The following STAMBP variants were observed in gnomAD, a reference collection of about 807,000 sequenced individuals.
The protein encoded by STAMBP is STAM-binding protein.
A neutral mutation model predicts 50.7 loss-of-function variants in STAMBP; 31 were observed. That is an observed-to-expected ratio of 0.61 (90% CI 0.46 to 0.83). The LOEUF (loss-of-function observed/expected upper bound fraction) is 0.83. STAMBP is among the 40% of genes least tolerant of loss of function. The probability of loss-of-function intolerance (pLI) is 0.00; values close to 1 mark genes in which losing one functional copy is unlikely to be tolerated. For synonymous variants in STAMBP, 211 were observed against 192.4 expected, an observed-to-expected ratio of 1.10 and a Z score of -0.80; for missense variants, 472 against 518.9, an observed-to-expected ratio of 0.91 and a Z score of 0.88.
Position 73,848,417 on chromosome 2 carries a change from G to A in STAMBP, c.742+664G>A, listed in dbSNP as rs374773537. On this transcript the variant is annotated intron_variant, in intron 5 of 9. Transcript: ENST00000394070. ...TGCCCAGATTGTTTTCCATTCTCAA[G>A]AATATACACCAGTGTATTTCTTTTA... Among the ~76,000 whole-genome samples, 33 of 152,204 alleles carry A rather than the reference G, an allele frequency of 2.2e-4. No homozygotes were observed. The South Asian group carries it at 6.2e-3, about 29-fold the overall frequency.
rs1272415035 is a variant in STAMBP at position 73,863,708 on chromosome 2, T to C, written c.*1449T>C. ...CCAGAGCAGCCTGGCTGTTCCACCT[T>C]GCTCTAAACAGTCCTGAAATTGCCC... On this transcript the variant is annotated 3_prime_UTR_variant, in exon 10 of 10. Transcript: ENST00000394070. The C allele has an allele frequency of 6.6e-6, 1 of 152,272 alleles. No individual in the cohort carries two copies. The allele number at this position is 152,272 out of a possible 1,614,324, so 9.4% of individuals were successfully genotyped here.
exon 11 of STAMBP, chr2:73,873,538 A>T (rs976400019): frequency 1.3e-5 from 2 of 152,256 alleles, no homozygotes; most frequent in Non-Finnish European, 2.9e-5. Context: ...AACAACTAAC[A>T]TCAGAGGTTT....
downstream of STAMBP, among the ~76,000 whole-genome samples, chr2:73,870,637 CCTAGA>C (rs1679164668): frequency 6.6e-6 from 1 of 152,258 alleles, no homozygotes; most frequent in African/African-American, 2.4e-5. Context: ...GAAAACATTA[CCTAGA>C]CTAAAGGAAG....
chr2:73,842,169 G>T (rs1410389081), intron 2 of STAMBP, among the ~76,000 whole-genome samples: 1 of 152,186 alleles, frequency 6.6e-6, no homozygotes, highest in Non-Finnish European at 1.5e-5. Context: ...AATACGGCAG[G>T]TTGTCAAATA....
intron 2 of STAMBP, among the ~76,000 whole-genome samples, chr2:73,840,544 G>A (rs1558566453): frequency 6.6e-6 from 1 of 151,798 alleles, no homozygotes; most frequent in Non-Finnish European, 1.5e-5. Context: ...AGGAGTTGGA[G>A]ACCAGCCTGG....
chr2:73,866,396 A>C lies in STAMBP; in HGVS notation c.*4137A>C, dbSNP rs778680073. The C allele has an allele frequency of 6.6e-6, 1 of 152,232 alleles. No individual in the cohort carries two copies. Among genetic ancestry groups the C allele is most frequent in the Non-Finnish European group, 1.5e-5 (1 of 68,040 alleles). The allele number at this position is 152,232 out of a possible 1,614,324, so 9.4% of individuals were successfully genotyped here. The stretch of plus-strand genomic sequence containing the variant: ...TTTTTTGTTGTTTTGCAGCGTTTTC[A>C]TATTGTCTTTTATGTAAGTCATGTT... On this transcript the variant is annotated 3_prime_UTR_variant, in exon 10 of 10. Transcript: ENST00000394070.
At chr2:73,839,912 A>G (rs994678936) in intron 2 of STAMBP, among the ~76,000 whole-genome samples, 1 of 152,186 alleles carries the variant, frequency 6.6e-6, no homozygotes, top group Non-Finnish European at 1.5e-5. Flanking sequence ...GAGCTATTCC[A>G]TCTGCCTGGA....
chr2:73,855,889 G>GT (rs947180746), intron 7 of STAMBP, among the ~76,000 whole-genome samples: 60 of 152,116 alleles, frequency 3.9e-4, no homozygotes, highest in Non-Finnish European at 1.6e-4. Context: ...CAGGAGATTT[G>GT]TTTTTTTGGA....
Position 73,849,382 on chromosome 2 carries a change from G to A in STAMBP, c.762G>A (p.Leu254=). The change falls in exon 6 of 10, where the codon TTG becomes TTA. Residue 254 remains leucine, a synonymous_variant. Coordinates refer to ENST00000394070, the MANE Select transcript of STAMBP (RefSeq NM_213622.4). The part of the protein sequence containing the change: ...NSESIPTIDG[L]RHVVVPGRLC... Reference sequence around the variant, plus strand: ...TTACAGTTCCCACAATCGATGGATTGCGCCATGTGGTGGTGCCTGGGCGGC... The same window carrying A: ...TTACAGTTCCCACAATCGATGGATTACGCCATGTGGTGGTGCCTGGGCGGC... 1.9e-6 allele frequency: 3 copies of A among 1,614,036 alleles called. No homozygotes were observed. The highest frequency in any genetic ancestry group is 2.5e-6 in the Non-Finnish European group (3 of 1,180,010).
chr2:73,845,490 G>A (rs909809017), intron 4 of STAMBP, among the ~76,000 whole-genome samples: 1 of 152,148 alleles, frequency 6.6e-6, no homozygotes, highest in Non-Finnish European at 1.5e-5. Context: ...AAAATCTGTC[G>A]CCTACCTGCT....
At chr2:73,851,959 A>G (rs1676869936) in intron 7 of STAMBP, among the ~76,000 whole-genome samples, 1 of 152,142 alleles carries the variant, frequency 6.6e-6, no homozygotes, top group South Asian at 2.1e-4. Flanking sequence ...TTAATGTAGT[A>G]CATTGGAGCC....
At chr2:73,833,894 G>A (rs1388267348) in intron 2 of STAMBP, among the ~76,000 whole-genome samples, 2 of 151,906 alleles carry the variant, frequency 1.3e-5, no homozygotes, top group Non-Finnish European at 2.9e-5. Context: ...ACAGAGGTTA[G>A]CACCAATCCC....
downstream of STAMBP, among the ~76,000 whole-genome samples, chr2:73,872,083 A>T (rs1679222301): frequency 6.6e-6 from 1 of 152,098 alleles, no homozygotes; most frequent in South Asian, 2.1e-4. Flanking sequence ...AAGAAAAAGA[A>T]CTTTTTAGTT....
intron 2 of STAMBP, among the ~76,000 whole-genome samples, chr2:73,838,382 ACT>A (rs1370296062): frequency 2.6e-5 from 4 of 152,090 alleles, no homozygotes; most frequent in African/African-American, 9.7e-5. Context: ...GGTATAGACA[ACT>A]CTTTGGAGAA....
At position 73,845,391 on chromosome 2, in the gene STAMBP, A is replaced by C. The variant is rs144296121; in HGVS notation, c.375+129A>C. On this transcript the variant is annotated intron_variant, in intron 4 of 9. Coordinates refer to ENST00000394070, the MANE Select transcript of STAMBP (RefSeq NM_213622.4). ...TTCACCTTTTTTGGGCAAAGACCAG[A>C]AACTCAAAAAAGTAGAACACCAGTG... The C allele has an allele frequency of 3.2e-4, 215 of 662,572 alleles. 1 individual carries two copies. In the African/African-American group the frequency reaches 3.5e-3, roughly 11 times the overall value. 41.0% of individuals were successfully genotyped at this position (662,572 alleles called of 1,614,324 possible).
chr2:73,840,704 A>G (rs1675283499), intron 2 of STAMBP, among the ~76,000 whole-genome samples: 1 of 151,482 alleles, frequency 6.6e-6, no homozygotes, highest in African/African-American at 2.4e-5. Flanking sequence ...AGACTGCCCC[A>G]CTGCACTCCA....
chr2:73,868,605 C>A (rs1350341222), downstream of STAMBP, among the ~76,000 whole-genome samples: 1 of 151,930 alleles, frequency 6.6e-6, no homozygotes, highest in Non-Finnish European at 1.5e-5. Flanking sequence ...AAGAAAGGGC[C>A]AGGCACAGTG....
intron 4 of STAMBP, 109 bp downstream of exon 4, chr2:73,845,371 C>A: frequency 1.3e-6 from 1 of 771,736 alleles, no homozygotes; most frequent in Non-Finnish European, 2.1e-6. Context: ...GCTGTTTCAC[C>A]TTTTTTGGGC....
downstream of STAMBP, among the ~76,000 whole-genome samples, chr2:73,870,909 ATGT>A: frequency 6.6e-6 from 1 of 152,044 alleles, no homozygotes; most frequent in African/African-American, 2.4e-5. Context: ...CACCTTTCCC[ATGT>A]TGTAGGAGGG....
Sources: gnomAD v4.1 joint callset for allele counts (sites outside exome capture counted in the v4.1 genomes callset) on GRCh38, gnomAD v4.1.1 for gene constraint, MANE v1.5 for transcripts, NCBI Gene and HGNC (gene_info 2026-07-23, HGNC 2026-07-21) for gene names.